Variants in EEA1 observed in about 807,000 individuals in gnomAD.
EEA1 encodes the protein early endosome antigen 1, 162kD.
EEA1 carries 111 observed loss-of-function variants against 209.2 expected under a neutral mutation model. The ratio of observed to expected loss-of-function variants is 0.53; its 90% CI spans 0.45 to 0.62. EEA1 has a LOEUF of 0.62. Ranked by LOEUF, EEA1 falls within the 20% of genes least tolerant of loss-of-function variation. The pLI is 0.00. For missense variants in EEA1, 1,343 were observed against 1,530.8 expected (o/e 0.88, Z 2.05); for synonymous variants, 536 against 540.6 (o/e 0.99, Z 0.12).
At chr12:92,875,214 G>T (rs1352627554) in intron 2 of EEA1, among the ~76,000 whole-genome samples, 1 of 152,114 alleles carries the variant, frequency 6.6e-6, no homozygotes, top group African/African-American at 2.4e-5. Flanking sequence ...CACTTTGAGA[G>T]GCTGAGGCAG....
In EEA1 at chr12:92,774,065, A is replaced by AAC. The variant is rs1873549434; in HGVS notation, c.*1945_*1946insGT. On this transcript the variant is annotated 3_prime_UTR_variant, in exon 29 of 29. Coordinates refer to ENST00000322349, the MANE Select transcript of EEA1 (RefSeq NM_003566.4). Reference sequence around the variant, plus strand: ...ATTTATTATCTCAAAAAAAAAAAAAAAACAGTGGTGCTGTGAATATCTGTG... The same window carrying AAC: ...ATTTATTATCTCAAAAAAAAAAAAAAACAACAGTGGTGCTGTGAATATCTGTG... The AAC allele has an allele frequency of 6.6e-6, 1 of 150,890 alleles. No homozygotes were observed. The highest frequency in any genetic ancestry group is 2.1e-4 in the South Asian group (1 of 4,814). 9.3% of individuals were successfully genotyped at this position (150,890 alleles called of 1,614,324 possible).
chr12:92,813,378 C>CA (rs940661405), intron 15 of EEA1, among the ~76,000 whole-genome samples: 2 of 151,568 alleles, frequency 1.3e-5, no homozygotes, highest in African/African-American at 2.4e-5. Flanking sequence ...ACTTTTTTTC[C>CA]AAAAAAGGCC....
intron 2 of EEA1, among the ~76,000 whole-genome samples, chr12:92,886,752 A>G (rs920144004): frequency 1.3e-5 from 2 of 152,188 alleles, no homozygotes; most frequent in African/African-American, 2.4e-5. Flanking sequence ...TAATCCCAAC[A>G]CTTTGGGAGG....
chr12:92,809,136 A>C lies in EEA1; in HGVS notation c.2220T>G (p.Leu740=). The C allele has an allele frequency of 6.3e-7, 1 of 1,587,044 alleles. No individual in the cohort carries two copies. Among genetic ancestry groups the C allele is most frequent in the Non-Finnish European group, 8.6e-7 (1 of 1,167,134 alleles). The change falls in exon 18 of 29, where the codon CTT becomes CTG. Residue 740 remains leucine, a synonymous_variant. Coordinates refer to ENST00000322349, the MANE Select transcript of EEA1 (RefSeq NM_003566.4). ...GQIKKLEADS[L]EVKASKEQAL... is the part of the protein sequence containing the mutation. The stretch of plus-strand genomic sequence containing the variant: ...CCTGCTCCTTGCTTGCTTTAACTTC[A>C]AGACTATCAGCTTCTAGTTTCTATG...
At chr12:92,908,344 A>G (rs1880457241) in intron 1 of EEA1, among the ~76,000 whole-genome samples, 1 of 152,200 alleles carries the variant, frequency 6.6e-6, no homozygotes. Context: ...ATGAAGAGTT[A>G]TTGTTTTATG....
At chr12:92,802,931 GATT>G (rs930217398) in intron 18 of EEA1, among the ~76,000 whole-genome samples, 197 bp from the exon 19 acceptor site, 2 of 151,998 alleles carry the variant, frequency 1.3e-5, no homozygotes, top group Non-Finnish European at 2.9e-5. Flanking sequence ...AACAGATGTA[GATT>G]ATTTTTCCCA....
At chr12:92,777,904 C>G (rs767213570) in intron 26 of EEA1, 37 bp downstream of exon 26, 1 of 1,563,936 alleles carries the variant, frequency 6.4e-7, no homozygotes, top group Admixed American at 1.7e-5. Context: ...TTATCACTTA[C>G]AATGGAAATA....
At chr12:92,900,567 G>C (rs1443790830) in intron 1 of EEA1, among the ~76,000 whole-genome samples, 1 of 151,458 alleles carries the variant, frequency 6.6e-6, no homozygotes, top group African/African-American at 2.4e-5. Flanking sequence ...ATAAAAGCCA[G>C]CTCTGGATTT....
intron 2 of EEA1, among the ~76,000 whole-genome samples, chr12:92,880,723 C>T (rs1338848104): frequency 6.6e-6 from 1 of 152,132 alleles, no homozygotes; most frequent in Non-Finnish European, 1.5e-5. Context: ...GATCAGCCCG[C>T]CTCGGCCTCC....
At chr12:92,816,506 T>G in intron 14 of EEA1, 106 bp from the exon 15 acceptor site, 3 of 1,026,616 alleles carry the variant, frequency 2.9e-6, no homozygotes, top group Non-Finnish European at 4.2e-6. Context: ...TATGATAGTT[T>G]ATCTCAAAAT....
At chr12:92,897,598 C>A (rs1016363691) in intron 1 of EEA1, among the ~76,000 whole-genome samples, 2 of 152,170 alleles carry the variant, frequency 1.3e-5, no homozygotes, top group African/African-American at 2.4e-5. Context: ...TGCTTTCGTT[C>A]TTTTGTTGCT....
In EEA1 at chr12:92,884,358, G is replaced by C. The variant is rs1350798625; in HGVS notation, c.117+7271C>G. ...GCTTTATCCAGCCAAAGAGGCTGAA[G>C]TGGTTCTAGAAACTTTGGCGGTGGT... On this transcript the variant is annotated intron_variant, in intron 2 of 28. Transcript: ENST00000322349. The C allele has an allele frequency of 8.0e-6, 10 of 1,248,116 alleles. No individual in the cohort carries two copies. In the Admixed American group the frequency reaches 1.0e-4, roughly 13 times the overall value. The allele number at this position is 1,248,116 out of a possible 1,614,324, so 77.3% of individuals were successfully genotyped here. A position where few individuals can be genotyped will look rare whatever the true frequency, so the allele number is the denominator to read the frequency against.
rs756233800 is a variant in EEA1 at position 92,929,087 on chromosome 12, C to A, written c.-21G>T. The A allele has an allele frequency of 1.9e-5, 30 of 1,586,914 alleles. No individual in the cohort carries two copies. Among genetic ancestry groups the A allele is most frequent in the African/African-American group, 2.8e-5 (2 of 72,520 alleles). Reference sequence around the variant, plus strand: ...AACATGGTTTAACCACCACCCGGCGCCGCCGCGGTGACTCTCCAGACCCTG... The same window carrying A: ...AACATGGTTTAACCACCACCCGGCGACGCCGCGGTGACTCTCCAGACCCTG... On this transcript the variant is annotated 5_prime_UTR_variant, in exon 1 of 29. Transcript: ENST00000322349.
At chr12:92,873,257 G>A (rs1878730444) in intron 2 of EEA1, among the ~76,000 whole-genome samples, 1 of 152,114 alleles carries the variant, frequency 6.6e-6, no homozygotes, top group African/African-American at 2.4e-5. Flanking sequence ...AGTGCTCAAC[G>A]AATATGAATT....
chr12:92,867,811 TTA>T lies in EEA1; in HGVS notation c.118-2826_118-2825del, dbSNP rs1592746725. Among the ~76,000 whole-genome samples the T allele has an allele frequency of 3.3e-5, 5 of 152,218 alleles. No individual in the cohort carries two copies. The East Asian group carries it at 9.6e-4, about 29-fold the overall frequency. ...ACAAAAATACATATACACATACATA[TTA>T]TATATGTGTCTCATCTCCATCCTCA... On this transcript the variant is annotated intron_variant, in intron 2 of 28. Transcript: ENST00000322349.
chr12:92,908,953 A>T (rs933823533), intron 1 of EEA1, among the ~76,000 whole-genome samples: 3 of 152,110 alleles, frequency 2.0e-5, no homozygotes, highest in African/African-American at 7.2e-5. Flanking sequence ...CCTCCTGAGT[A>T]GCTAGGATTA....
chr12:92,848,286 T>C (rs2136706318), intron 9 of EEA1, among the ~76,000 whole-genome samples: 1 of 151,374 alleles, frequency 6.6e-6, no homozygotes, highest in African/African-American at 2.4e-5. Flanking sequence ...GAGGAGACGA[T>C]GGAGGGAGAC....
intron 10 of EEA1, among the ~76,000 whole-genome samples, chr12:92,837,124 TAAAA>T (rs10590679): frequency 6.3e-5 from 9 of 142,656 alleles, no homozygotes; most frequent in Non-Finnish European, 9.1e-5. Flanking sequence ...CTGTCTCATT[TAAAA>T]AAAAAAAAAA....
At position 92,895,816 on chromosome 12, in the gene EEA1, G is replaced by A. The variant is rs148550059; in HGVS notation, c.25-4095C>T. Among the ~76,000 whole-genome samples, 7 of 152,212 alleles carry A rather than the reference G, an allele frequency of 4.6e-5. No individual in the cohort carries two copies. In the East Asian group the frequency reaches 1.4e-3, roughly 29 times the overall value. On this transcript the variant is annotated intron_variant, in intron 1 of 28. Coordinates refer to ENST00000322349, the MANE Select transcript of EEA1 (RefSeq NM_003566.4). ...GTGATTAAGAACATTTGTGATTCAT[G>A]GGAGGAAGTCAAAATATCAACACTA...
Sources: gnomAD v4.1 joint callset for allele counts (sites outside exome capture counted in the v4.1 genomes callset) on GRCh38, gnomAD v4.1.1 for gene constraint, MANE v1.5 for transcripts, NCBI Gene and HGNC (gene_info 2026-07-23, HGNC 2026-07-21) for gene names.